The following HSD17B12 variants were observed in gnomAD, a reference collection of about 807,000 sequenced individuals.
HSD17B12 encodes the protein hydroxysteroid 17-beta dehydrogenase 12.
Under a neutral mutation model 39.3 loss-of-function variants are expected in HSD17B12, and 32 were observed. The ratio of observed to expected loss-of-function variants is 0.81; its 90% CI spans 0.61 to 1.09. The LOEUF (loss-of-function observed/expected upper bound fraction) is 1.09. Among genes scored for constraint, HSD17B12 ranks in the 50% least tolerant of loss-of-function variants. HSD17B12 has a pLI of 0.00. For missense variants in HSD17B12, 342 were observed against 382.9 expected, an observed-to-expected ratio of 0.89 and a Z score of 0.89; for synonymous variants, 150 against 146.7, an observed-to-expected ratio of 1.02 and a Z score of -0.16.
At chr11:43,688,231 T>G (rs1319648808) in intron 1 of HSD17B12, among the ~76,000 whole-genome samples, 1 of 151,848 alleles carries the variant, frequency 6.6e-6, no homozygotes, top group African/African-American at 2.4e-5. Flanking sequence ...AAAAATTTAA[T>G]GAATACAATA....
At chr11:43,813,125 G>A (rs1171558103) in intron 4 of HSD17B12, among the ~76,000 whole-genome samples, 1 of 152,150 alleles carries the variant, frequency 6.6e-6, no homozygotes, top group African/African-American at 2.4e-5. Context: ...ACAGGCGTGA[G>A]CCACCACGCC....
the HSD17B12 span, among the ~76,000 whole-genome samples, chr11:43,630,857 T>C: frequency 6.7e-5 from 10 of 150,274 alleles, no homozygotes; most frequent in African/African-American, 2.5e-4. Context: ...CAGGCTGGAG[T>C]GCAATGGCAC....
At chr11:43,670,986 G>T in the HSD17B12 span, among the ~76,000 whole-genome samples, 5 of 151,922 alleles carry the variant, frequency 3.3e-5, no homozygotes, top group Non-Finnish European at 7.4e-5. Flanking sequence ...AAAAAGTGTG[G>T]GTAAAGATAA....
chr11:43,814,963 G>A (rs536007233), intron 4 of HSD17B12, among the ~76,000 whole-genome samples: 119 of 152,206 alleles, frequency 7.8e-4, no homozygotes, highest in African/African-American at 2.6e-3. Context: ...ATTCTGGAGC[G>A]GAACAAAATG....
chr11:43,747,353 G>A (rs1222915373), intron 1 of HSD17B12, among the ~76,000 whole-genome samples: 4 of 152,194 alleles, frequency 2.6e-5, no homozygotes, highest in African/African-American at 9.6e-5. Flanking sequence ...CACGTAAAGT[G>A]ATCTAGAACA....
chr11:43,630,805 CTTT>C, the HSD17B12 span, among the ~76,000 whole-genome samples: 9 of 137,960 alleles, frequency 6.5e-5, no homozygotes, highest in Non-Finnish European at 3.1e-5. Flanking sequence ...TTTTTTCTTT[CTTT>C]TTTTTTTTTT....
chr11:43,649,539 G>A, the HSD17B12 span, among the ~76,000 whole-genome samples: 2 of 152,140 alleles, frequency 1.3e-5, no homozygotes, highest in African/African-American at 4.8e-5. Context: ...AAAAATGGAA[G>A]GACACAGCCA....
At chr11:43,564,456 C>T in the HSD17B12 span, among the ~76,000 whole-genome samples, 13 of 152,196 alleles carry the variant, frequency 8.5e-5, no homozygotes, top group Non-Finnish European at 1.6e-4. Context: ...AGCCACTTCC[C>T]CAAAGCTAGA....
chr11:43,674,623 A>G, the HSD17B12 span, among the ~76,000 whole-genome samples: 1 of 152,242 alleles, frequency 6.6e-6, no homozygotes, highest in African/African-American at 2.4e-5. Context: ...ACAGCAATGG[A>G]AATTCCATTT....
the HSD17B12 span, among the ~76,000 whole-genome samples, chr11:43,653,224 G>T: frequency 6.6e-6 from 1 of 152,142 alleles, no homozygotes; most frequent in Non-Finnish European, 1.5e-5. Flanking sequence ...CAGGAATGGT[G>T]CTGGAACAGT....
the HSD17B12 span, among the ~76,000 whole-genome samples, chr11:43,631,082 G>A: frequency 6.6e-6 from 1 of 152,196 alleles, no homozygotes; most frequent in East Asian, 1.9e-4. Flanking sequence ...TGGGATTACA[G>A]GCGTGAGCCA....
the HSD17B12 span, among the ~76,000 whole-genome samples, chr11:43,669,918 T>C: frequency 6.6e-6 from 1 of 152,204 alleles, no homozygotes; most frequent in Admixed American, 6.5e-5. Flanking sequence ...GCAACAGTCA[T>C]GTTACCCAGG....
chr11:43,566,030 G>GCTCT, the HSD17B12 span, among the ~76,000 whole-genome samples: 71,428 of 151,754 alleles, frequency 0.47, 16,906 homozygotes, highest in Admixed American at 0.58. Context: ...AAGAGGGGAT[G>GCTCT]CTCTGTATTT....
chr11:43,694,495 G>A (rs1347107514), intron 1 of HSD17B12, among the ~76,000 whole-genome samples: 4 of 151,790 alleles, frequency 2.6e-5, no homozygotes, highest in Non-Finnish European at 5.9e-5. Flanking sequence ...GAGCCCAGGA[G>A]TTCCAGATCA....
chr11:43,669,110 TA>T, the HSD17B12 span, among the ~76,000 whole-genome samples: 134,252 of 150,418 alleles, frequency 0.89, 60,868 homozygotes, highest in Non-Finnish European at 0.97. Context: ...GATGCTGAGT[TA>T]AAAAAAAAAA....
chr11:43,677,353 C>A (rs1307385752), upstream of HSD17B12, among the ~76,000 whole-genome samples: 2 of 152,248 alleles, frequency 1.3e-5, no homozygotes, highest in East Asian at 1.9e-4. Flanking sequence ...ATTTTAGGTA[C>A]CTTTCTGAGC....
intron 1 of HSD17B12, among the ~76,000 whole-genome samples, chr11:43,716,606 T>C (rs1467198145): frequency 6.6e-6 from 1 of 151,602 alleles, no homozygotes; most frequent in Non-Finnish European, 1.5e-5. Context: ...TAGATTTCTA[T>C]GTTAGGAATG....
intron 4 of HSD17B12, among the ~76,000 whole-genome samples, chr11:43,799,805 C>G (rs4755746): frequency 6.6e-6 from 1 of 152,112 alleles, no homozygotes; most frequent in Admixed American, 6.5e-5. Context: ...ATAGATAAGA[C>G]AGTTGTTAAA....
the HSD17B12 span, among the ~76,000 whole-genome samples, chr11:43,588,122 T>C: frequency 6.6e-6 from 1 of 152,340 alleles, no homozygotes; most frequent in African/African-American, 2.4e-5. Flanking sequence ...TCAGAATTCT[T>C]ACTTGCAATG....
Sources: gnomAD v4.1 joint callset for allele counts (sites outside exome capture counted in the v4.1 genomes callset) on GRCh38, gnomAD v4.1.1 for gene constraint, MANE v1.5 for transcripts, NCBI Gene and HGNC (gene_info 2026-07-23, HGNC 2026-07-21) for gene names.